Variants in GRID2 observed in about 807,000 individuals in gnomAD.
GRID2 encodes glutamate ionotropic receptor delta type subunit 2.
GRID2 carries 33 observed loss-of-function variants against 114.8 expected under a neutral mutation model. That is an observed-to-expected ratio of 0.29 (90% CI 0.22 to 0.38). The LOEUF (loss-of-function observed/expected upper bound fraction) is 0.38, where lower values mean the gene tolerates loss of function less well. Among genes scored for constraint, GRID2 ranks in the 10% least tolerant of loss-of-function variants. The probability of loss-of-function intolerance (pLI) is 1.00; values close to 1 mark genes in which losing one functional copy is unlikely to be tolerated. For synonymous variants in GRID2, 505 were observed against 449.9 expected (o/e 1.12, Z -1.55); for missense variants, 1,184 against 1,257.7 (o/e 0.94, Z 0.89).
At position 92,368,398 on chromosome 4, in the gene GRID2, G is replaced by A. The variant is rs143702934; in HGVS notation, c.88+63654G>A. On this transcript the variant is annotated intron_variant, in intron 1 of 15. Transcript: ENST00000282020. ...GGCCTTTATTTTTAATAAATAAAAA[G>A]GATTTTTATTGGAGACTCCTTGCGC... Among the ~76,000 whole-genome samples the A allele has an allele frequency of 3.9e-3, 591 of 152,088 alleles. 1 individual carries two copies. The highest frequency in any genetic ancestry group is 0.012 in the African/African-American group (500 of 41,522).
intron 2 of GRID2, among the ~76,000 whole-genome samples, chr4:92,760,467 A>T (rs543931715): frequency 6.6e-6 from 1 of 152,196 alleles, no homozygotes; most frequent in South Asian, 2.1e-4. Flanking sequence ...GTGACATGGG[A>T]GTATGAAGGC....
intron 2 of GRID2, among the ~76,000 whole-genome samples, chr4:92,700,408 T>G (rs1402417189): frequency 6.6e-6 from 1 of 152,198 alleles, no homozygotes; most frequent in African/African-American, 2.4e-5. Context: ...ATCTCATATA[T>G]TCTAAGACTA....
chr4:92,675,800 C>T (rs1376564457), intron 2 of GRID2, among the ~76,000 whole-genome samples: 3 of 151,880 alleles, frequency 2.0e-5, no homozygotes, highest in African/African-American at 4.8e-5. Flanking sequence ...GTGATCCACC[C>T]GCCTCAGCCT....
intron 2 of GRID2, among the ~76,000 whole-genome samples, chr4:92,798,949 C>T (rs1230248957): frequency 6.6e-6 from 1 of 151,974 alleles, no homozygotes; most frequent in African/African-American, 2.4e-5. Context: ...ATAACAAATG[C>T]ACACTGGATA....
chr4:92,611,187 A>G (rs954839428), intron 2 of GRID2, among the ~76,000 whole-genome samples: 8 of 150,660 alleles, frequency 5.3e-5, no homozygotes, highest in African/African-American at 1.9e-4. Flanking sequence ...CTTAGGCTGC[A>G]TAATAAAATA....
chr4:92,729,002 C>T (rs1463990991), intron 2 of GRID2, among the ~76,000 whole-genome samples: 1 of 151,756 alleles, frequency 6.6e-6, no homozygotes. Context: ...ATAATATACA[C>T]CTCAACTAGG....
rs560069581 is a variant in GRID2 at position 93,756,151 on chromosome 4, C to T, written c.2361-13059C>T. 5.3e-5 allele frequency among the ~76,000 whole-genome samples: 8 copies of T among 152,108 alleles called. No homozygotes were observed. In the South Asian group the frequency reaches 8.3e-4, roughly 16 times the overall value. On this transcript the variant is annotated intron_variant, in intron 14 of 15. Transcript: ENST00000282020. ...TTTTTAAAAACATCTTACTTATTAA[C>T]GAGGAGAAGAAGAAGCATACATTCT...
At chr4:93,231,120 A>T (rs533792536) in intron 7 of GRID2, among the ~76,000 whole-genome samples, 55 of 152,218 alleles carry the variant, frequency 3.6e-4, no homozygotes, top group Non-Finnish European at 5.7e-4. Flanking sequence ...GTATTTATAA[A>T]TCAATTTGCC....
At chr4:92,315,486 G>A (rs888016278) in intron 1 of GRID2, among the ~76,000 whole-genome samples, 6 of 152,156 alleles carry the variant, frequency 3.9e-5, no homozygotes. Flanking sequence ...GCTTCTTGGG[G>A]TGGTGAAATA....
intron 14 of GRID2, among the ~76,000 whole-genome samples, chr4:93,755,147 A>G (rs1038593917): frequency 6.6e-6 from 1 of 152,220 alleles, no homozygotes; most frequent in Non-Finnish European, 1.5e-5. Flanking sequence ...TTGTCTAGCC[A>G]CATAGACACA....
intron 2 of GRID2, among the ~76,000 whole-genome samples, chr4:92,918,154 T>C (rs1221848119): frequency 6.6e-6 from 1 of 152,172 alleles, no homozygotes; most frequent in African/African-American, 2.4e-5. Flanking sequence ...TCTCTGTTTG[T>C]CTGTTATTGG....
At position 92,333,510 on chromosome 4, in the gene GRID2, C is replaced by T. The variant is rs566294974; in HGVS notation, c.88+28766C>T. On this transcript the variant is annotated intron_variant, in intron 1 of 15. Transcript: ENST00000282020. ...TACTAATCTTTTTAGCAGATGGTTG[C>T]TTGGACACTCTTGGTTTGCTCTCCT... Among the ~76,000 whole-genome samples the T allele has an allele frequency of 3.9e-5, 6 of 152,252 alleles. No homozygotes were observed. In the East Asian group the frequency reaches 1.2e-3, roughly 30 times the overall value.
chr4:93,755,721 A>G (rs770762740), intron 14 of GRID2, among the ~76,000 whole-genome samples: 32 of 152,222 alleles, frequency 2.1e-4, no homozygotes, highest in Non-Finnish European at 3.5e-4. Context: ...TCTACCAACT[A>G]AAGTGAAGCT....
At chr4:93,288,582 ACT>A (rs1753419138) in intron 8 of GRID2, among the ~76,000 whole-genome samples, 1 of 152,130 alleles carries the variant, frequency 6.6e-6, no homozygotes, top group Non-Finnish European at 1.5e-5. Context: ...CTTGCTAATA[ACT>A]CTGAGTTTCC....
At chr4:93,342,409 C>T (rs148258520) in intron 8 of GRID2, among the ~76,000 whole-genome samples, 61 of 152,166 alleles carry the variant, frequency 4.0e-4, no homozygotes, top group Admixed American at 9.8e-4. Context: ...CAGAACTTCG[C>T]TTAAAATCCA....
intron 8 of GRID2, among the ~76,000 whole-genome samples, chr4:93,258,601 C>G (rs150949555): frequency 0.015 from 2,301 of 151,680 alleles, 30 homozygotes; most frequent in Middle Eastern, 0.09. Context: ...TGCATTACTC[C>G]TTTAGTGCAT....
At chr4:93,159,692 CA>C (rs1228809484) in intron 4 of GRID2, among the ~76,000 whole-genome samples, 1 of 116,820 alleles carries the variant, frequency 8.6e-6, no homozygotes, top group African/African-American at 3.3e-5. Flanking sequence ...TTTCCATCTG[CA>C]TTTTTTTTTT....
At chr4:93,806,371 C>G (rs998650093) in intron 1 of GRID2, among the ~76,000 whole-genome samples, 1 of 152,162 alleles carries the variant, frequency 6.6e-6, no homozygotes, top group East Asian at 1.9e-4. Flanking sequence ...CATGTGAGAG[C>G]GATACTGCCT....
At chr4:93,376,152 T>G (rs1763360478) in intron 8 of GRID2, among the ~76,000 whole-genome samples, 1 of 152,112 alleles carries the variant, frequency 6.6e-6, no homozygotes, top group Admixed American at 6.6e-5. Context: ...TTCAAATGCA[T>G]TGTGAGGTAC....
Sources: allele counts gnomAD v4.1 joint callset (sites outside exome capture counted in the v4.1 genomes callset), GRCh38; gene constraint gnomAD v4.1.1; transcripts MANE v1.5; gene names NCBI Gene and HGNC (gene_info 2026-07-23, HGNC 2026-07-21).